The following KCNK2 variants were observed in gnomAD, a reference collection of about 807,000 sequenced individuals.
The protein encoded by KCNK2 is potassium channel subfamily K member 2.
In KCNK2, 21 loss-of-function variants were observed where a neutral mutation model predicts 40.5. That is an observed-to-expected ratio of 0.52 (90% confidence interval 0.37 to 0.75). The LOEUF (loss-of-function observed/expected upper bound fraction) is 0.75. KCNK2 is among the 30% of genes least tolerant of loss of function. The pLI is 0.00. For synonymous variants in KCNK2, 191 were observed against 202.2 expected (o/e 0.94, Z 0.47); for missense variants, 399 against 531.6 (o/e 0.75, Z 2.45).
Position 215,209,253 on chromosome 1 carries a change from T to TTTTATATATAAAATATATAAATATA in KCNK2, c.963+14161_963+14162insTTTATATATAAAATATATAAATATA, listed in dbSNP as rs1233412691. Among the ~76,000 whole-genome samples the TTTTATATATAAAATATATAAATATA allele has an allele frequency of 1.3e-3, 159 of 121,928 alleles. 4 individuals carry two copies. Among genetic ancestry groups the TTTTATATATAAAATATATAAATATA allele is most frequent in the Middle Eastern group, 8.1e-3 (2 of 248 alleles). 80.0% of individuals were successfully genotyped at this position (121,928 alleles called of 152,430 possible). A position where few individuals can be genotyped will look rare whatever the true frequency, so the allele number is the denominator to read the frequency against. ...TAAAATATATATAAATATACACATATCTTATATATAAAATATATAAATATA... is the reference window on the plus strand; with the variant it reads ...TAAAATATATATAAATATACACATATTTTATATATAAAATATATAAATATACTTATATATAAAATATATAAATATA... On this transcript the variant is annotated intron_variant, in intron 6 of 6. Transcript: ENST00000444842.
intron 6 of KCNK2, among the ~76,000 whole-genome samples, chr1:215,217,883 C>A (rs188898090): frequency 9.2e-5 from 14 of 152,248 alleles, no homozygotes; most frequent in Admixed American, 3.9e-4. Context: ...ATATTTCAGG[C>A]ACTGAGATTG....
At chr1:215,105,098 A>C (rs1660380213) in intron 2 of KCNK2, among the ~76,000 whole-genome samples, 1 of 152,100 alleles carries the variant, frequency 6.6e-6, no homozygotes, top group South Asian at 2.1e-4. Flanking sequence ...CCAGTTAACA[A>C]ATTTACAAAT....
chr1:215,086,355 CTGT>C lies in KCNK2; in HGVS notation c.47-6_47-4del, dbSNP rs978991091. 10 of 1,609,334 alleles carry C rather than the reference CTGT, an allele frequency of 6.2e-6. No individual in the cohort carries two copies. Among genetic ancestry groups the C allele is most frequent in the Non-Finnish European group, 8.5e-6 (10 of 1,176,324 alleles). ...TCTCCTCCAACCTAACCCTCATTCT[CTGT>C]TGTTGTCAGTGGCGGCACCTGACTT... is the stretch of plus-strand genomic sequence containing the variant. On this transcript the variant is annotated splice_polypyrimidine_tract_variant and intron_variant, in intron 1 of 6. Coordinates refer to ENST00000444842, the MANE Select transcript of KCNK2 (RefSeq NM_001017425.3).
chr1:215,225,006 G>A (rs1239934957), intron 6 of KCNK2, among the ~76,000 whole-genome samples: 1 of 152,020 alleles, frequency 6.6e-6, no homozygotes, highest in Admixed American at 6.6e-5. Flanking sequence ...GGCTGGATAT[G>A]CTATATACTG....
At chr1:215,054,248 G>A (rs2102501802) in intron 1 of KCNK2, among the ~76,000 whole-genome samples, 1 of 152,288 alleles carries the variant, frequency 6.6e-6, no homozygotes, top group South Asian at 2.1e-4. Context: ...AATTTGGTAG[G>A]TAGAAGACTG....
chr1:215,182,188 T>C lies in KCNK2; in HGVS notation c.823+10005T>C, dbSNP rs191207250. 3.3e-3 allele frequency among the ~76,000 whole-genome samples: 471 copies of C among 143,196 alleles called. 5 individuals carry two copies. Among genetic ancestry groups the C allele is most frequent in the African/African-American group, 0.011 (454 of 40,750 alleles). 93.9% of individuals were successfully genotyped at this position (143,196 alleles called of 152,430 possible). ...GAACCAGGCAAACAGATGCTCTGAATGCCTGGAGATCTGCCTGGGTGTGGA... is the reference window on the plus strand; with the variant it reads ...GAACCAGGCAAACAGATGCTCTGAACGCCTGGAGATCTGCCTGGGTGTGGA... On this transcript the variant is annotated intron_variant, in intron 5 of 6. Coordinates refer to ENST00000444842, the MANE Select transcript of KCNK2 (RefSeq NM_001017425.3).
chr1:215,072,025 T>G (rs565810138), intron 1 of KCNK2, among the ~76,000 whole-genome samples: 2 of 152,334 alleles, frequency 1.3e-5, no homozygotes, highest in African/African-American at 2.4e-5. Context: ...GCATTATTAT[T>G]TATTTTGATT....
intron 1 of KCNK2, among the ~76,000 whole-genome samples, chr1:215,066,018 GA>G (rs1292599528): frequency 1.3e-5 from 2 of 152,102 alleles, no homozygotes; most frequent in Non-Finnish European, 2.9e-5. Flanking sequence ...CACAAGAACA[GA>G]AAACCAAACA....
intron 6 of KCNK2, among the ~76,000 whole-genome samples, chr1:215,220,350 C>A (rs1223605293): frequency 6.6e-6 from 1 of 152,176 alleles, no homozygotes; most frequent in Non-Finnish European, 1.5e-5. Flanking sequence ...TGAGTTGCCG[C>A]TACTGCCACC....
intron 3 of KCNK2, among the ~76,000 whole-genome samples, chr1:215,145,271 G>C (rs752970698): frequency 2.0e-5 from 3 of 152,074 alleles, no homozygotes; most frequent in Non-Finnish European, 2.9e-5. Flanking sequence ...CTTTATGTTT[G>C]TTATATTATG....
intron 1 of KCNK2, among the ~76,000 whole-genome samples, chr1:215,011,167 C>T (rs771331333): frequency 8.5e-5 from 13 of 152,050 alleles, no homozygotes; most frequent in African/African-American, 2.4e-4. Context: ...TTGTGCTTCC[C>T]GTTTGTGGTC....
chr1:215,045,744 T>A (rs148650220), intron 1 of KCNK2, among the ~76,000 whole-genome samples: 81 of 152,282 alleles, frequency 5.3e-4, no homozygotes, highest in Middle Eastern at 3.4e-3. Flanking sequence ...CCCTATGTCT[T>A]CACAATAGGT....
At chr1:215,143,814 C>T (rs4509552) in intron 3 of KCNK2, among the ~76,000 whole-genome samples, 83,853 of 151,980 alleles carry the variant, frequency 0.55, 25,671 homozygotes, top group Non-Finnish European at 0.68. Context: ...TATATGTTCG[C>T]CTTTCCTCCT....
chr1:215,185,567 C>A (rs1394648991), intron 5 of KCNK2, among the ~76,000 whole-genome samples: 1 of 152,156 alleles, frequency 6.6e-6, no homozygotes, highest in Non-Finnish European at 1.5e-5. Context: ...TACCTTATGA[C>A]TGTAAAATTA....
chr1:215,183,881 T>C (rs889380999), intron 5 of KCNK2, among the ~76,000 whole-genome samples: 2 of 152,234 alleles, frequency 1.3e-5, no homozygotes, highest in African/African-American at 4.8e-5. Context: ...CTGTAAGATC[T>C]CAGAGAGGGC....
chr1:215,058,677 AC>A (rs1414252930), intron 1 of KCNK2, among the ~76,000 whole-genome samples: 1 of 152,118 alleles, frequency 6.6e-6, no homozygotes, highest in Non-Finnish European at 1.5e-5. Context: ...CTCCTTGTTT[AC>A]AAAGCCCTAC....
rs1158694008 is a variant in KCNK2, at chr1:215,237,089, C to T, written c.*1944C>T. On this transcript the variant is annotated 3_prime_UTR_variant, in exon 7 of 7. Coordinates refer to ENST00000444842, the MANE Select transcript of KCNK2 (RefSeq NM_001017425.3). Reference sequence around the variant, plus strand: ...GACAAATAAAGTTTGTAATTAAAGTCAGCATTTTCTGAGTCTCCTGCTTGC... The same window carrying T: ...GACAAATAAAGTTTGTAATTAAAGTTAGCATTTTCTGAGTCTCCTGCTTGC... 1 of 152,354 alleles carries T rather than the reference C, an allele frequency of 6.6e-6. No individual in the cohort carries two copies. The highest frequency in any genetic ancestry group is 1.5e-5 in the Non-Finnish European group (1 of 67,982). The allele number at this position is 152,354 out of a possible 1,614,324, so 9.4% of individuals were successfully genotyped here.
At chr1:215,179,585 T>A (rs1664141360) in intron 5 of KCNK2, among the ~76,000 whole-genome samples, 2 of 152,052 alleles carry the variant, frequency 1.3e-5, no homozygotes, top group Non-Finnish European at 2.9e-5. Context: ...TCTCAAATAA[T>A]TTTTTTAATT....
Position 215,236,085 on chromosome 1 carries a change from T to TATCTATCTATCTATCTATC in KCNK2, c.*953_*954insTCTATCATCTATCTATCTA, listed in dbSNP as rs1553277288. On this transcript the variant is annotated 3_prime_UTR_variant, in exon 7 of 7. Transcript: ENST00000444842. ...CTATCTATCTATCTATCTATCTATCTATCTATCTATCTAAATGACCTGACA... is the reference window on the plus strand; with the variant it reads ...CTATCTATCTATCTATCTATCTATCTATCTATCTATCTATCTATCATCTATCTATCTAAATGACCTGACA... 1.3e-5 allele frequency: 2 copies of TATCTATCTATCTATCTATC among 151,960 alleles called. No individual in the cohort carries two copies. The highest frequency in any genetic ancestry group is 4.9e-5 in the African/African-American group (2 of 41,034). 9.4% of individuals were successfully genotyped at this position (151,960 alleles called of 1,614,324 possible).
Sources: allele counts gnomAD v4.1 joint callset (sites outside exome capture counted in the v4.1 genomes callset), GRCh38; gene constraint gnomAD v4.1.1; transcripts MANE v1.5; gene names NCBI Gene and HGNC (gene_info 2026-07-23, HGNC 2026-07-21).